The following STK32A variants were observed in gnomAD, a reference collection of about 807,000 sequenced individuals.
STK32A encodes the protein serine/threonine kinase 32A.
Under a neutral mutation model 53.2 loss-of-function variants are expected in STK32A, and 41 were observed. That is an observed-to-expected ratio of 0.77 (90% CI 0.60 to 1.00). STK32A has a LOEUF of 1.00. STK32A is among the 50% of genes least tolerant of loss of function. The pLI, the probability that STK32A is intolerant of heterozygous loss-of-function variation, is 0.00. For synonymous variants in STK32A, 166 were observed against 162.8 expected (o/e 1.02, Z -0.15); for missense variants, 458 against 485.8 (o/e 0.94, Z 0.54).
intron 2 of STK32A, among the ~76,000 whole-genome samples, chr5:147,252,364 G>A (rs1754035976): frequency 6.6e-6 from 1 of 152,058 alleles, no homozygotes; most frequent in South Asian, 2.1e-4. Context: ...TAAGGCTTGA[G>A]GTATTAAAAA....
chr5:147,395,442 C>A, the STK32A span: 3 of 1,270,276 alleles, frequency 2.4e-6, no homozygotes, highest in Non-Finnish European at 2.2e-6. Flanking sequence ...AAAGTTGACA[C>A]CAGTGCTAGG....
At chr5:147,373,047 A>T (rs898131567) in intron 9 of STK32A, 122 bp from the exon 10 acceptor site, 2 of 1,175,134 alleles carry the variant, frequency 1.7e-6, no homozygotes, top group African/African-American at 3.1e-5. Flanking sequence ...GGGATTAGGG[A>T]TAGGGGACAC....
intron 4 of STK32A, among the ~76,000 whole-genome samples, chr5:147,312,315 G>T (rs1471285230): frequency 3.3e-5 from 5 of 152,104 alleles, no homozygotes; most frequent in African/African-American, 1.2e-4. Context: ...TATTGGCCAT[G>T]CTTGTCTCAA....
chr5:147,302,317 A>G (rs1753179160), intron 4 of STK32A, among the ~76,000 whole-genome samples: 1 of 152,194 alleles, frequency 6.6e-6, no homozygotes. Flanking sequence ...AATCTAGTTT[A>G]AAGTGAGTTT....
intron 2 of STK32A, among the ~76,000 whole-genome samples, chr5:147,257,142 G>A (rs1754271651): frequency 1.3e-5 from 2 of 151,872 alleles, no homozygotes; most frequent in South Asian, 4.2e-4. Context: ...AGTAAAATGA[G>A]TGTATGGTTT....
intron 11 of STK32A, among the ~76,000 whole-genome samples, chr5:147,377,801 C>T (rs1348521019): frequency 2.0e-5 from 3 of 152,014 alleles, no homozygotes; most frequent in Non-Finnish European, 4.4e-5. Flanking sequence ...TGAGTGCTTT[C>T]CGGAGTTTTG....
chr5:147,246,752 C>G (rs1753783438), intron 2 of STK32A, among the ~76,000 whole-genome samples: 1 of 152,116 alleles, frequency 6.6e-6, no homozygotes, highest in Non-Finnish European at 1.5e-5. Context: ...ATTACACGAT[C>G]AAAAGTGGTT....
intron 4 of STK32A, among the ~76,000 whole-genome samples, chr5:147,292,511 C>T (rs1752644785): frequency 6.6e-6 from 1 of 152,104 alleles, no homozygotes; most frequent in South Asian, 2.1e-4. Flanking sequence ...AAAAAAAATT[C>T]TTGACTTTGG....
intron 6 of STK32A, among the ~76,000 whole-genome samples, chr5:147,350,110 A>C (rs1025488293): frequency 1.4e-5 from 2 of 146,156 alleles, no homozygotes; most frequent in Non-Finnish European, 3.0e-5. Flanking sequence ...ACTCCACTTC[A>C]AAAAAAAAAA....
At chr5:147,348,656 C>A in intron 6 of STK32A, 1 of 762,580 alleles carries the variant, frequency 1.3e-6, no homozygotes, top group South Asian at 1.4e-5. Flanking sequence ...TCTGGCTGCT[C>A]ATCTGAATCA....
chr5:147,273,561 A>G (rs1755135913), intron 2 of STK32A, among the ~76,000 whole-genome samples: 1 of 152,190 alleles, frequency 6.6e-6, no homozygotes, highest in South Asian at 2.1e-4. Flanking sequence ...GTTGGTCTTA[A>G]CTTTCCATGT....
chr5:147,241,410 CG>C (rs1561662230), intron 2 of STK32A, among the ~76,000 whole-genome samples: 1 of 151,850 alleles, frequency 6.6e-6, no homozygotes, highest in East Asian at 1.9e-4. Context: ...ACCCGGGAGG[CG>C]GAGCTTGCAG....
intron 2 of STK32A, among the ~76,000 whole-genome samples, chr5:147,245,392 C>T (rs1184912036): frequency 1.3e-5 from 2 of 152,162 alleles, no homozygotes; most frequent in Admixed American, 1.3e-4. Flanking sequence ...AGTAACACTT[C>T]TTTTTAATGC....
chr5:147,361,522 GA>G lies in STK32A; in HGVS notation c.569del (p.Glu190GlyfsTer22). Reference sequence around the variant, plus strand: ...TAATTTTTCGTGTTTTTCAGCACCTGAGATGTTCAGCTCCAGAAAAGGAGCA... The same window carrying G: ...TAATTTTTCGTGTTTTTCAGCACCTGGATGTTCAGCTCCAGAAAAGGAGCA... ...MAGTKPYMAP[E>X]MFSSRKGAGY... On this transcript the variant is annotated frameshift_variant, in exon 8 of 13. Coordinates refer to ENST00000397936, the MANE Select transcript of STK32A (RefSeq NM_001112724.2). LOFTEE classifies it high-confidence loss of function. 6.2e-7 allele frequency: 1 copy of G among 1,611,752 alleles called. No homozygotes were observed. Among genetic ancestry groups the G allele is most frequent in the East Asian group, 2.2e-5 (1 of 44,852 alleles).
chr5:147,343,104 C>A, intron 6 of STK32A, 61 bp downstream of exon 6: 1 of 1,545,176 alleles, frequency 6.5e-7, no homozygotes, highest in Non-Finnish European at 8.9e-7. Flanking sequence ...GTTGATTGTT[C>A]CCAGCAGAGG....
chr5:147,290,628 T>G (rs919326847), intron 4 of STK32A, among the ~76,000 whole-genome samples: 2 of 152,110 alleles, frequency 1.3e-5, no homozygotes, highest in African/African-American at 4.8e-5. Context: ...TCCCTGTGGA[T>G]AGAAGGGGTC....
the STK32A span, chr5:147,395,851 G>C: frequency 9.0e-7 from 1 of 1,115,978 alleles, no homozygotes; most frequent in Non-Finnish European, 1.3e-6. Context: ...AAGATAATTT[G>C]AGGAAGGGAG....
chr5:147,301,341 C>A (rs1240503689), intron 4 of STK32A, among the ~76,000 whole-genome samples: 1 of 151,922 alleles, frequency 6.6e-6, no homozygotes. Context: ...TGAAAGGTAG[C>A]TTTTCAGGGT....
chr5:147,330,227 G>A (rs1561724921), intron 5 of STK32A, among the ~76,000 whole-genome samples: 2 of 152,220 alleles, frequency 1.3e-5, no homozygotes, highest in Non-Finnish European at 2.9e-5. Context: ...TCCAAGCTCA[G>A]TCAGAATGTT....
Sources: gnomAD v4.1 joint callset for allele counts (sites outside exome capture counted in the v4.1 genomes callset) on GRCh38, gnomAD v4.1.1 for gene constraint, MANE v1.5 for transcripts, NCBI Gene and HGNC (gene_info 2026-07-23, HGNC 2026-07-21) for gene names.